MTARC1: variants seen among roughly 807,000 people sequenced by gnomAD.
MTARC1 encodes the protein mitochondrial amidoxime-reducing component 1.
A neutral mutation model predicts 33.6 loss-of-function variants in MTARC1; 24 were observed. The observed-to-expected ratio is 0.72, with a 90% confidence interval of 0.52 to 1.01. The LOEUF (loss-of-function observed/expected upper bound fraction) is 1.01. MTARC1 is among the 50% of genes least tolerant of loss of function. The pLI is 0.00. For missense variants in MTARC1, 417 were observed against 445.7 expected (o/e 0.94, Z 0.58); for synonymous variants, 187 against 189.5 (o/e 0.99, Z 0.11).
intron 3 of MTARC1, among the ~76,000 whole-genome samples, chr1:220,797,459 A>G (rs927062574): frequency 2.0e-5 from 3 of 152,368 alleles, no homozygotes; most frequent in African/African-American, 4.8e-5. Context: ...AAATGCATAA[A>G]TTATGGTCAA....
At chr1:220,809,854 C>T (rs1162074901) in intron 6 of MTARC1, among the ~76,000 whole-genome samples, 4 of 152,182 alleles carry the variant, frequency 2.6e-5, no homozygotes, top group Non-Finnish European at 4.4e-5. Context: ...TGGCTTCTGC[C>T]GCTGGTGACT....
chr1:220,788,122 C>T (rs1160240850), intron 1 of MTARC1, among the ~76,000 whole-genome samples: 3 of 152,200 alleles, frequency 2.0e-5, no homozygotes, highest in Non-Finnish European at 4.4e-5. Context: ...TTCAGAGCCA[C>T]ACAGCAGCAG....
At chr1:220,792,709 A>AT (rs1296901401) in intron 2 of MTARC1, among the ~76,000 whole-genome samples, 1 of 151,768 alleles carries the variant, frequency 6.6e-6, no homozygotes, top group African/African-American at 2.4e-5. Context: ...ATTGCAGCAT[A>AT]TTTTCTTTCG....
chr1:220,800,116 CAGG>C (rs904858543), intron 4 of MTARC1, among the ~76,000 whole-genome samples: 6 of 152,066 alleles, frequency 3.9e-5, no homozygotes, highest in Non-Finnish European at 7.4e-5. Context: ...ATTCGGATGA[CAGG>C]AGAAGAGGAG....
At position 220,801,047 on chromosome 1, in the gene MTARC1, G is replaced by A. The variant is rs184809093; in HGVS notation, c.753+3033G>A. Among the ~76,000 whole-genome samples, 265 of 152,278 alleles carry A rather than the reference G, an allele frequency of 1.7e-3. 2 individuals carry two copies. Among genetic ancestry groups the A allele is most frequent in the Non-Finnish European group, 3.1e-3 (210 of 68,024 alleles). The stretch of plus-strand genomic sequence containing the variant: ...CATCAAGGTAACCCTGTTGATGTAA[G>A]TCACATCATGTGATTTGTCTGCTCA... On this transcript the variant is annotated intron_variant, in intron 4 of 6. Transcript: ENST00000366910.
chr1:220,806,769 T>C (rs1301070214), intron 6 of MTARC1, among the ~76,000 whole-genome samples: 2 of 152,172 alleles, frequency 1.3e-5, no homozygotes, highest in African/African-American at 4.8e-5. Context: ...CTATAGGAGA[T>C]AAGTCCCAGA....
Position 220,815,264 on chromosome 1 carries a change from A to G in MTARC1, c.*1846A>G, listed in dbSNP as rs915960052. 5.3e-5 allele frequency: 8 copies of G among 152,250 alleles called. No individual in the cohort carries two copies. Among genetic ancestry groups the G allele is most frequent in the African/African-American group, 1.9e-4 (8 of 41,470 alleles). The allele number at this position is 152,250 out of a possible 1,614,324, so 9.4% of individuals were successfully genotyped here. On this transcript the variant is annotated 3_prime_UTR_variant, in exon 7 of 7. Transcript: ENST00000366910. ...ATGTGAATATGGGCTCTCTGGGAAT[A>G]GCCAATAGGTAGGGAGCAATCAGAA...
intron 4 of MTARC1, chr1:220,798,648 T>A (rs1672694643): frequency 1.1e-6 from 1 of 928,084 alleles, no homozygotes. Context: ...TGGGCTTCCA[T>A]GAAGGCAGAG....
At chr1:220,809,874 A>G (rs568691181) in intron 6 of MTARC1, among the ~76,000 whole-genome samples, 3 of 152,348 alleles carry the variant, frequency 2.0e-5, no homozygotes, top group African/African-American at 7.2e-5. Context: ...TTATGGTCCC[A>G]TGAACGCCAG....
intron 6 of MTARC1, among the ~76,000 whole-genome samples, chr1:220,811,872 A>G (rs529357387): frequency 5.3e-5 from 8 of 152,350 alleles, no homozygotes; most frequent in Middle Eastern, 3.4e-3. Context: ...ATGGTGGGTC[A>G]CAGGTGATGT....
At chr1:220,798,168 A>G (rs1672681692) in intron 4 of MTARC1, 154 bp downstream of exon 4, 1 of 1,581,182 alleles carries the variant, frequency 6.3e-7, no homozygotes, top group African/African-American at 1.4e-5. Flanking sequence ...TCAGCACTTA[A>G]TAAGTGCAGA....
intron 1 of MTARC1, among the ~76,000 whole-genome samples, chr1:220,790,429 G>A (rs1672386217): frequency 1.3e-5 from 2 of 152,258 alleles, no homozygotes; most frequent in South Asian, 4.2e-4. Context: ...TTAGAGCGAT[G>A]TAAACTGCCA....
chr1:220,801,742 G>A (rs1423040284), intron 4 of MTARC1, among the ~76,000 whole-genome samples: 1 of 152,154 alleles, frequency 6.6e-6, no homozygotes, highest in South Asian at 2.1e-4. Flanking sequence ...TCTGCCAGGA[G>A]CCTGGAGAAG....
At chr1:220,791,981 G>T (rs976182101) in intron 2 of MTARC1, among the ~76,000 whole-genome samples, 1 of 152,064 alleles carries the variant, frequency 6.6e-6, no homozygotes, top group African/African-American at 2.4e-5. Context: ...AATGGGGTGG[G>T]AGTGGTGGGG....
Position 220,817,715 on chromosome 1 carries a change from A to G in MTARC1, c.*4297A>G, listed in dbSNP as rs541376857. ...GGAAGTCCAGCTGGCTTCACCTCTCACTGGGACTACAGGTGCACACCACCA... is the reference window on the plus strand; with the variant it reads ...GGAAGTCCAGCTGGCTTCACCTCTCGCTGGGACTACAGGTGCACACCACCA... On this transcript the variant is annotated 3_prime_UTR_variant, in exon 7 of 7. Transcript: ENST00000366910. 3.3e-5 allele frequency: 5 copies of G among 152,506 alleles called. No homozygotes were observed. Among genetic ancestry groups the G allele is most frequent in the African/African-American group, 1.2e-4 (5 of 41,532 alleles). The allele number at this position is 152,506 out of a possible 1,614,324, so 9.4% of individuals were successfully genotyped here.
At chr1:220,804,226 T>G (rs1215104066) in intron 4 of MTARC1, among the ~76,000 whole-genome samples, 1 of 152,158 alleles carries the variant, frequency 6.6e-6, no homozygotes, top group African/African-American at 2.4e-5. Flanking sequence ...AGCACCCATC[T>G]TACCTATTCC....
At chr1:220,800,455 C>T (rs371536246) in intron 4 of MTARC1, among the ~76,000 whole-genome samples, 19 of 152,252 alleles carry the variant, frequency 1.2e-4, no homozygotes, top group Admixed American at 2.6e-4. Flanking sequence ...AGGAGGGTGG[C>T]GAGCAGCCAG....
chr1:220,790,519 A>G (rs1212939719), intron 1 of MTARC1, among the ~76,000 whole-genome samples: 1 of 152,240 alleles, frequency 6.6e-6, no homozygotes, highest in African/African-American at 2.4e-5. Flanking sequence ...GTCTGTGCAG[A>G]AACAAAGTCT....
rs1396264403 is a variant in MTARC1, at chr1:220,813,373, A to G, written c.969A>G (p.Pro323=). 1.7e-5 allele frequency: 27 copies of G among 1,614,076 alleles called. No homozygotes were observed. Among genetic ancestry groups the G allele is most frequent in the Non-Finnish European group, 2.2e-5 (26 of 1,180,038 alleles). ...GGCAGTATTTTGTGCTGGAAAACCC[A>G]GGGACCATCAAAGTGGGAGACCCTG... ...LFGQYFVLEN[P]GTIKVGDPVY... Residue 323 remains proline (P), a synonymous_variant, in exon 7 of 7, where the codon CCA becomes CCG. Coordinates refer to ENST00000366910, the MANE Select transcript of MTARC1 (RefSeq NM_022746.4).
Sources: allele counts gnomAD v4.1 joint callset (sites outside exome capture counted in the v4.1 genomes callset), GRCh38; gene constraint gnomAD v4.1.1; transcripts MANE v1.5; gene names NCBI Gene and HGNC (gene_info 2026-07-23, HGNC 2026-07-21).